The following ZMYND8 variants were observed in gnomAD, a reference collection of about 807,000 sequenced individuals.
ZMYND8 encodes the protein MYND-type zinc finger-containing chromatin reader ZMYND8.
Under a neutral mutation model 140.8 loss-of-function variants are expected in ZMYND8, and 37 were observed. That is an observed-to-expected ratio of 0.26 (90% confidence interval 0.20 to 0.35). The LOEUF (loss-of-function observed/expected upper bound fraction) is 0.35. Ranked by LOEUF, ZMYND8 falls within the 10% of genes least tolerant of loss-of-function variation. The pLI is 1.00. For synonymous variants in ZMYND8, 592 were observed against 597.1 expected, an observed-to-expected ratio of 0.99 and a Z score of 0.12; for missense variants, 1,068 against 1,570.0, an observed-to-expected ratio of 0.68 and a Z score of 5.40.
chr20:47,297,087 T>A (rs1243428100), intron 4 of ZMYND8, among the ~76,000 whole-genome samples: 1 of 152,190 alleles, frequency 6.6e-6, no homozygotes, highest in African/African-American at 2.4e-5. Context: ...CCAGATCCCA[T>A]GACAAATGTA....
chr20:47,261,904 C>T (rs1488541811), intron 12 of ZMYND8, among the ~76,000 whole-genome samples: 1 of 152,018 alleles, frequency 6.6e-6, no homozygotes, highest in Admixed American at 6.6e-5. Context: ...AACTCTGTCT[C>T]TACTAAAAAT....
chr20:47,289,846 C>T (rs935704611), intron 7 of ZMYND8, among the ~76,000 whole-genome samples: 2 of 152,166 alleles, frequency 1.3e-5, no homozygotes, highest in African/African-American at 2.4e-5. Flanking sequence ...ATCCAACAGG[C>T]TGATAGGAAT....
chr20:47,342,812 A>G (rs1473918169), intron 2 of ZMYND8, among the ~76,000 whole-genome samples: 1 of 148,018 alleles, frequency 6.8e-6, no homozygotes, highest in African/African-American at 2.5e-5. Context: ...ACACCACCGC[A>G]CTCCAGCCTC....
chr20:47,326,017 G>C (rs2148403318), intron 2 of ZMYND8, among the ~76,000 whole-genome samples: 1 of 152,050 alleles, frequency 6.6e-6, no homozygotes, highest in South Asian at 2.1e-4. Flanking sequence ...GAGTGCAATG[G>C]TGCAGTCTCA....
intron 2 of ZMYND8, among the ~76,000 whole-genome samples, chr20:47,338,085 G>A (rs367921490): frequency 1.3e-5 from 2 of 152,200 alleles, no homozygotes; most frequent in African/African-American, 4.8e-5. Context: ...CACGTTGCCA[G>A]GTTCATAAGA....
chr20:47,220,092 C>T (rs1408209887), intron 21 of ZMYND8, among the ~76,000 whole-genome samples, 166 bp downstream of exon 21: 2 of 152,072 alleles, frequency 1.3e-5, no homozygotes, highest in Non-Finnish European at 2.9e-5. Flanking sequence ...AGTTAACATG[C>T]TCAGCTACCC....
At chr20:47,316,692 G>A (rs934435805) in intron 2 of ZMYND8, among the ~76,000 whole-genome samples, 2 of 151,972 alleles carry the variant, frequency 1.3e-5, no homozygotes, top group African/African-American at 4.8e-5. Context: ...CTACTTGGGA[G>A]GCTGAGGCAG....
At chr20:47,246,663 TA>T (rs1207427198) in intron 13 of ZMYND8, 146 bp from the exon 14 acceptor site, 18 of 1,208,366 alleles carry the variant, frequency 1.5e-5, no homozygotes, top group Non-Finnish European at 2.0e-5. Flanking sequence ...GGGCCAGTAA[TA>T]ATCTCAAGTG....
At chr20:47,251,993 A>G (rs1282348384) in intron 12 of ZMYND8, among the ~76,000 whole-genome samples, 1 of 151,944 alleles carries the variant, frequency 6.6e-6, no homozygotes, top group Non-Finnish European at 1.5e-5. Flanking sequence ...AAAAAAAAAA[A>G]GAAAGAAAGA....
chr20:47,288,557 CT>C (rs905415295), intron 7 of ZMYND8, among the ~76,000 whole-genome samples: 6 of 152,048 alleles, frequency 3.9e-5, no homozygotes, highest in African/African-American at 7.2e-5. Context: ...CCACACCCAA[CT>C]AATTTTTGTA....
chr20:47,352,668 C>T, intron 1 of ZMYND8: 1 of 477,360 alleles, frequency 2.1e-6, no homozygotes, highest in Non-Finnish European at 2.7e-6. Context: ...CTTTTTAGCT[C>T]CAGGGGAGAA....
intron 4 of ZMYND8, among the ~76,000 whole-genome samples, chr20:47,295,969 A>G (rs563008510): frequency 6.6e-6 from 1 of 152,166 alleles, no homozygotes; most frequent in Non-Finnish European, 1.5e-5. Context: ...GGGGCCTCCA[A>G]AAGGAACTCT....
chr20:47,335,443 T>TG (rs1427971797), intron 2 of ZMYND8, among the ~76,000 whole-genome samples: 1 of 152,070 alleles, frequency 6.6e-6, no homozygotes, highest in Non-Finnish European at 1.5e-5. Context: ...CCATGACACC[T>TG]GGTCTTTCCA....
At chr20:47,255,777 ATATTTGTATGTGTATATATATATACCG>A in intron 12 of ZMYND8, among the ~76,000 whole-genome samples, 1 of 128,920 alleles carries the variant, frequency 7.8e-6, no homozygotes, top group Admixed American at 8.2e-5. Flanking sequence ...GTATATATAT[ATATTTGTATGTGTATATATATATACCG>A]TATATATATA....
chr20:47,320,440 T>A (rs1312540445), intron 2 of ZMYND8: 15 of 152,394 alleles, frequency 9.8e-5, no homozygotes, highest in Admixed American at 9.8e-4. Flanking sequence ...ATGCTGCGGC[T>A]GTGCATGGTG....
chr20:47,336,123 A>C (rs1228407978), intron 2 of ZMYND8, among the ~76,000 whole-genome samples: 3 of 152,212 alleles, frequency 2.0e-5, no homozygotes, highest in African/African-American at 7.2e-5. Context: ...AAATGACAGA[A>C]GGTCTCTATC....
intron 7 of ZMYND8, among the ~76,000 whole-genome samples, chr20:47,287,833 A>C (rs1013774203): frequency 8.3e-6 from 1 of 121,034 alleles, no homozygotes; most frequent in Non-Finnish European, 1.7e-5. Context: ...CTCTAGAAAA[A>C]AACAACACAC....
chr20:47,221,249 G>C (rs952318829), intron 20 of ZMYND8, 65 bp downstream of exon 20: 2 of 1,582,120 alleles, frequency 1.3e-6, no homozygotes, highest in Non-Finnish European at 1.7e-6. Context: ...GGCAGACAGG[G>C]GGTCCTAAGT....
At chr20:47,352,095 G>A in intron 1 of ZMYND8, 1 of 773,038 alleles carries the variant, frequency 1.3e-6, no homozygotes, top group Non-Finnish European at 1.6e-6. Context: ...GCAGCCCCGT[G>A]GCACAAACTG....
Sources: allele counts gnomAD v4.1 joint callset (sites outside exome capture counted in the v4.1 genomes callset), GRCh38; gene constraint gnomAD v4.1.1; transcripts MANE v1.5; gene names NCBI Gene and HGNC (gene_info 2026-07-23, HGNC 2026-07-21).